Variants in KALRN observed in about 807,000 individuals in gnomAD.
KALRN encodes kalirin.
Under a neutral mutation model 353.7 loss-of-function variants are expected in KALRN, and 70 were observed. The ratio of observed to expected loss-of-function variants is 0.20; its 90% CI spans 0.16 to 0.24. The LOEUF is 0.24. KALRN is among the 10% of genes least tolerant of loss of function. KALRN has a pLI of 1.00. For missense variants in KALRN, 2,791 were observed against 3,756.7 expected (o/e 0.74, Z 6.72); for synonymous variants, 1,391 against 1,434.8 (o/e 0.97, Z 0.69).
chr3:124,070,789 G>T (rs541248339), intron 1 of KALRN, among the ~76,000 whole-genome samples: 2 of 152,328 alleles, frequency 1.3e-5, no homozygotes, highest in Admixed American at 6.5e-5. Context: ...CCTCAGCCCA[G>T]TCAGGAGGTC....
intron 33 of KALRN, among the ~76,000 whole-genome samples, chr3:124,554,133 A>T (rs953869227): frequency 6.6e-6 from 1 of 152,186 alleles, no homozygotes; most frequent in African/African-American, 2.4e-5. Flanking sequence ...GGGTGGGAGG[A>T]TCACTTCAGC....
intron 57 of KALRN, among the ~76,000 whole-genome samples, chr3:124,708,077 C>T (rs763417417): frequency 6.6e-6 from 1 of 152,206 alleles, no homozygotes; most frequent in Non-Finnish European, 1.5e-5. Context: ...ATAGAACCAC[C>T]TCCCACAGAA....
In KALRN at chr3:124,438,973, C is replaced by G; in HGVS notation, c.3134C>G (p.Ala1045Gly). ...GGACGAGATAAGCTGGGGCCAGCAG[C>G]AGAGATCGACCATGTCATTCCCCTC... ...CGGRDKLGPA[A>G]EIDHVIPLIS... The change falls in exon 18 of 60, where the codon GCA becomes GGA. Residue 1045 changes from alanine to glycine, a missense_variant. This residue lies in a region of KALRN where 452 missense variants were observed against 575.8 expected (regional missense o/e 0.78). Transcript: ENST00000682506. 1.2e-6 allele frequency: 2 copies of G among 1,614,120 alleles called. No homozygotes were observed. Among genetic ancestry groups the G allele is most frequent in the Middle Eastern group, 1.6e-4 (1 of 6,062 alleles).
intron 9 of KALRN, among the ~76,000 whole-genome samples, chr3:124,336,358 G>A (rs2081137399): frequency 6.6e-6 from 1 of 152,154 alleles, no homozygotes; most frequent in Non-Finnish European, 1.5e-5. Flanking sequence ...GGAGAGCACA[G>A]GAGGCAGTCT....
Position 124,119,583 on chromosome 3 carries a change from G to A in KALRN, c.73+85770G>A, listed in dbSNP as rs539178160. Among the ~76,000 whole-genome samples the A allele has an allele frequency of 2.6e-5, 4 of 152,300 alleles. No homozygotes were observed. The South Asian group carries it at 8.3e-4, about 32-fold the overall frequency. On this transcript the variant is annotated intron_variant, in intron 1 of 59. Coordinates refer to ENST00000682506, the MANE Select transcript of KALRN (RefSeq NM_001388419.1). ...GCTTCCTCAGGATCTGTCTCAGATCGCAAGGATGGGGGAGGAGGCAGGACT... is the reference window on the plus strand; with the variant it reads ...GCTTCCTCAGGATCTGTCTCAGATCACAAGGATGGGGGAGGAGGCAGGACT...
chr3:124,521,316 C>T (rs2067144101), intron 33 of KALRN, among the ~76,000 whole-genome samples: 1 of 152,184 alleles, frequency 6.6e-6, no homozygotes, highest in Middle Eastern at 3.2e-3. Flanking sequence ...GTAGAGGAGA[C>T]AGATATTAGT....
chr3:124,409,209 G>A (rs2091910421), intron 13 of KALRN, among the ~76,000 whole-genome samples: 1 of 152,182 alleles, frequency 6.6e-6, no homozygotes, highest in Non-Finnish European at 1.5e-5. Flanking sequence ...TAACTGAGTG[G>A]AAGGAGAAAG....
Position 124,439,157 on chromosome 3 carries a change from TTC to T in KALRN, c.3198+124_3198+125del, listed in dbSNP as rs199999207. 8,351 of 897,958 alleles carry T rather than the reference TTC, an allele frequency of 9.3e-3. 367 individuals are homozygous for T. The highest frequency in any genetic ancestry group is 0.078 in the Admixed American group (2,891 of 37,160). The allele number at this position is 897,958 out of a possible 1,614,324, so 55.6% of individuals were successfully genotyped here. A position where few individuals can be genotyped will look rare whatever the true frequency, so the allele number is the denominator to read the frequency against. On this transcript the variant is annotated intron_variant, in intron 18 of 59. Transcript: ENST00000682506. ...TCTCTCTCTTTCTCTTTCTCTCTCT[TTC>T]TCTTTCTCCTCCTCCTCCTTCTTCT... is the stretch of plus-strand genomic sequence containing the variant.
At chr3:124,113,290 C>T (rs6438829) in intron 1 of KALRN, among the ~76,000 whole-genome samples, 190 of 152,236 alleles carry the variant, frequency 1.2e-3, no homozygotes, top group African/African-American at 3.7e-3. Flanking sequence ...GGTGATGTTA[C>T]GCATGTTAAA....
At chr3:124,399,278 A>C (rs2090561659) in intron 13 of KALRN, among the ~76,000 whole-genome samples, 1 of 152,154 alleles carries the variant, frequency 6.6e-6, no homozygotes, top group Non-Finnish European at 1.5e-5. Context: ...AGCTGGGATT[A>C]CAGGCATGCG....
chr3:124,263,107 A>G (rs1285632411), intron 3 of KALRN, among the ~76,000 whole-genome samples: 6 of 152,144 alleles, frequency 3.9e-5, no homozygotes, highest in Admixed American at 3.9e-4. Flanking sequence ...TATTCTCAGG[A>G]GTTATAGTCA....
intron 34 of KALRN, among the ~76,000 whole-genome samples, chr3:124,566,668 C>T (rs530663367): frequency 3.9e-5 from 6 of 152,290 alleles, no homozygotes; most frequent in South Asian, 2.1e-4. Context: ...TTAGCTAAGA[C>T]CCAATAAGCT....
intron 3 of KALRN, among the ~76,000 whole-genome samples, chr3:124,237,913 G>A (rs559450927): frequency 2.5e-4 from 38 of 152,298 alleles, no homozygotes; most frequent in African/African-American, 9.1e-4. Context: ...GGATAAGTGA[G>A]TGGTGAATGA....
chr3:124,129,704 A>T (rs2065070800), intron 1 of KALRN, among the ~76,000 whole-genome samples: 1 of 152,262 alleles, frequency 6.6e-6, no homozygotes, highest in Middle Eastern at 3.4e-3. Context: ...TCAATCACCC[A>T]TTCACTCTAT....
chr3:124,449,245 A>G (rs1183676485), intron 21 of KALRN, among the ~76,000 whole-genome samples: 1 of 152,210 alleles, frequency 6.6e-6, no homozygotes, highest in Non-Finnish European at 1.5e-5. Flanking sequence ...AGTGGAGTAC[A>G]TTGAATTTAA....
chr3:124,333,063 T>G (rs2080764797), intron 8 of KALRN, among the ~76,000 whole-genome samples: 1 of 152,162 alleles, frequency 6.6e-6, no homozygotes, highest in South Asian at 2.1e-4. Context: ...AGTCATGTCT[T>G]ACATGGTGGC....
chr3:124,428,357 C>G (rs966991333), intron 15 of KALRN, among the ~76,000 whole-genome samples: 2 of 152,150 alleles, frequency 1.3e-5, no homozygotes, highest in Non-Finnish European at 2.9e-5. Flanking sequence ...AAATCACCAC[C>G]AGTACCATCA....
intron 51 of KALRN, among the ~76,000 whole-genome samples, chr3:124,691,580 C>A (rs766251854): frequency 5.0e-4 from 76 of 152,308 alleles, no homozygotes; most frequent in Non-Finnish European, 3.1e-4. Flanking sequence ...TAGTATTTCT[C>A]TACCCACAAA....
intron 1 of KALRN, among the ~76,000 whole-genome samples, chr3:124,189,185 C>T (rs9812400): frequency 0.28 from 42,572 of 152,056 alleles, 6,586 homozygotes; most frequent in East Asian, 0.51. Flanking sequence ...GGAGAACTGT[C>T]TCCCAACATT....
Sources: allele counts gnomAD v4.1 joint callset (sites outside exome capture counted in the v4.1 genomes callset), GRCh38; gene constraint gnomAD v4.1.1; regional missense constraint gnomAD v4.1.1; transcripts MANE v1.5; gene names NCBI Gene and HGNC (gene_info 2026-07-23, HGNC 2026-07-21).